Variants in CPNE8 observed in about 807,000 individuals in gnomAD.
The protein encoded by CPNE8 is copine-8.
A neutral mutation model predicts 81.5 loss-of-function variants in CPNE8; 45 were observed. The ratio of observed to expected loss-of-function variants is 0.55; its 90% CI spans 0.44 to 0.71. The LOEUF is 0.71. CPNE8 is among the 30% of genes least tolerant of loss of function. The pLI, the probability that CPNE8 is intolerant of heterozygous loss-of-function variation, is 0.00. For missense variants in CPNE8, 594 were observed against 672.1 expected (o/e 0.88, Z 1.28); for synonymous variants, 252 against 226.3 (o/e 1.11, Z -1.02).
chr12:38,764,468 T>A (rs964666161), intron 8 of CPNE8, among the ~76,000 whole-genome samples: 25 of 150,128 alleles, frequency 1.7e-4, no homozygotes, highest in Non-Finnish European at 3.4e-4. Flanking sequence ...ATACAAAAAA[T>A]TAGCCGGGCG....
At chr12:38,841,667 T>C (rs529844196) in intron 4 of CPNE8, among the ~76,000 whole-genome samples, 1 of 152,286 alleles carries the variant, frequency 6.6e-6, no homozygotes, top group African/African-American at 2.4e-5. Context: ...AATGATTTGC[T>C]TTAAAGTGAT....
chr12:38,841,938 T>C (rs1943473709), intron 4 of CPNE8, among the ~76,000 whole-genome samples: 1 of 152,030 alleles, frequency 6.6e-6, no homozygotes, highest in Non-Finnish European at 1.5e-5. Flanking sequence ...GGAAGTTAAT[T>C]GCCTCTCTCT....
chr12:38,807,741 A>T (rs1000858533), intron 6 of CPNE8, among the ~76,000 whole-genome samples: 1 of 151,084 alleles, frequency 6.6e-6, no homozygotes, highest in Non-Finnish European at 1.5e-5. Flanking sequence ...CAAAAGACAT[A>T]ATTGACAAAC....
intron 3 of CPNE8, among the ~76,000 whole-genome samples, chr12:38,861,270 A>G (rs866258297): frequency 7.2e-5 from 11 of 152,184 alleles, no homozygotes; most frequent in South Asian, 2.1e-4. Context: ...CAATGGGTAT[A>G]AAGTTTTAGT....
chr12:38,861,136 G>A (rs896515516), intron 3 of CPNE8, among the ~76,000 whole-genome samples: 1 of 152,130 alleles, frequency 6.6e-6, no homozygotes, highest in South Asian at 2.1e-4. Context: ...ACAAGTCACA[G>A]AAGGACAAAT....
At chr12:38,706,465 T>C (rs1440297951) in intron 13 of CPNE8, among the ~76,000 whole-genome samples, 1 of 152,144 alleles carries the variant, frequency 6.6e-6, no homozygotes, top group Non-Finnish European at 1.5e-5. Flanking sequence ...ACAGTAAATA[T>C]TCTTAATGAT....
chr12:38,710,891 T>A (rs1255163170), intron 13 of CPNE8, among the ~76,000 whole-genome samples: 2 of 152,174 alleles, frequency 1.3e-5, no homozygotes, highest in Non-Finnish European at 2.9e-5. Flanking sequence ...ATAAATTCTT[T>A]CCCACTCTAC....
intron 6 of CPNE8, among the ~76,000 whole-genome samples, chr12:38,825,099 C>T (rs562052640): frequency 6.6e-6 from 1 of 152,176 alleles, no homozygotes; most frequent in South Asian, 2.1e-4. Context: ...CTATTATTTC[C>T]CCAGTGTGAA....
Position 38,760,843 on chromosome 12 carries a change from T to C in CPNE8, c.722+4A>G, listed in dbSNP as rs745523809. The C allele has an allele frequency of 2.5e-6, 4 of 1,594,564 alleles. No individual in the cohort carries two copies. The Admixed American group carries it at 5.3e-5, about 21-fold the overall frequency. On this transcript the variant is annotated splice_donor_region_variant and intron_variant, in intron 10 of 19. Coordinates refer to ENST00000331366, the MANE Select transcript of CPNE8 (RefSeq NM_153634.3). ...CAAGAGTAAGAAGATAAGAACTGTCTTACCTTCCATCTCGGTCCCAGTCAT... is the reference window on the plus strand; with the variant it reads ...CAAGAGTAAGAAGATAAGAACTGTCCTACCTTCCATCTCGGTCCCAGTCAT...
At chr12:38,868,264 A>T (rs1943944086) in intron 3 of CPNE8, among the ~76,000 whole-genome samples, 1 of 152,114 alleles carries the variant, frequency 6.6e-6, no homozygotes, top group African/African-American at 2.4e-5. Context: ...ATTTATTTTT[A>T]AATTTTATTC....
At chr12:38,846,875 C>A (rs930121180) in intron 4 of CPNE8, among the ~76,000 whole-genome samples, 1 of 152,050 alleles carries the variant, frequency 6.6e-6, no homozygotes, top group Non-Finnish European at 1.5e-5. Flanking sequence ...GCCAAATGCC[C>A]ATCAGTAAGT....
intron 3 of CPNE8, among the ~76,000 whole-genome samples, chr12:38,858,162 A>C (rs1943775142): frequency 6.6e-6 from 1 of 152,336 alleles, no homozygotes; most frequent in Middle Eastern, 3.4e-3. Context: ...GGAAAGTAGG[A>C]GCCTAATTGT....
intron 19 of CPNE8, among the ~76,000 whole-genome samples, chr12:38,670,329 G>A (rs868845124): frequency 1.3e-5 from 2 of 151,864 alleles, no homozygotes; most frequent in African/African-American, 4.8e-5. Flanking sequence ...TTGAATTAAC[G>A]CCTTGCTTTC....
intron 19 of CPNE8, among the ~76,000 whole-genome samples, chr12:38,657,828 A>G (rs1317350132): frequency 1.3e-5 from 2 of 152,224 alleles, no homozygotes; most frequent in East Asian, 3.9e-4. Context: ...AGGATAACTA[A>G]CAAACAGAAA....
At chr12:38,684,842 G>T (rs916753102) in intron 16 of CPNE8, among the ~76,000 whole-genome samples, 4 of 151,902 alleles carry the variant, frequency 2.6e-5, no homozygotes, top group African/African-American at 9.7e-5. Context: ...AACTTTCTAG[G>T]GATTTAAAAA....
At chr12:38,811,225 A>AC (rs1277028815) in intron 6 of CPNE8, among the ~76,000 whole-genome samples, 1 of 152,092 alleles carries the variant, frequency 6.6e-6, no homozygotes, top group Non-Finnish European at 1.5e-5. Flanking sequence ...ATATAAAAAA[A>AC]AACCTAAAAA....
chr12:38,897,355 C>T (rs1944402065), intron 1 of CPNE8, among the ~76,000 whole-genome samples: 1 of 151,850 alleles, frequency 6.6e-6, no homozygotes, highest in Non-Finnish European at 1.5e-5. Flanking sequence ...AGAAAACTAT[C>T]CCCAGGAAAA....
chr12:38,904,460 G>GTTTTT (rs200928843), intron 1 of CPNE8, among the ~76,000 whole-genome samples: 5 of 130,526 alleles, frequency 3.8e-5, no homozygotes, highest in African/African-American at 1.2e-4. Flanking sequence ...TTGAAAGTCA[G>GTTTTT]TTTTTTTTTG....
chr12:38,902,409 A>AAG lies in CPNE8; in HGVS notation c.98+3026_98+3027dup, dbSNP rs1194669834. Reference sequence around the variant, plus strand: ...AGAAAGAAAGAGAAAGAAAGAAAGAAAGAAAGAAAAAGAAAGAAAGAAAGA... The same window carrying AAG: ...AGAAAGAAAGAGAAAGAAAGAAAGAAAGAGAAAGAAAAAGAAAGAAAGAAAGA... On this transcript the variant is annotated intron_variant, in intron 1 of 19. Transcript: ENST00000331366. 2.6e-3 allele frequency among the ~76,000 whole-genome samples: 366 copies of AAG among 141,358 alleles called. 23 individuals carry two copies. Among genetic ancestry groups the AAG allele is most frequent in the African/African-American group, 0.01 (334 of 32,620 alleles). The allele number at this position is 141,358 out of a possible 152,430, so 92.7% of individuals were successfully genotyped here. A position where few individuals can be genotyped will look rare whatever the true frequency, so the allele number is the denominator to read the frequency against.
Sources: allele counts gnomAD v4.1 joint callset (sites outside exome capture counted in the v4.1 genomes callset), GRCh38; gene constraint gnomAD v4.1.1; transcripts MANE v1.5; gene names NCBI Gene and HGNC (gene_info 2026-07-23, HGNC 2026-07-21).